The following SLC8A1 variants were observed in gnomAD, a reference collection of about 807,000 sequenced individuals.
The protein encoded by SLC8A1 is solute carrier family 8 member A1, also known as sodium/calcium exchanger 1.
SLC8A1 carries 18 observed loss-of-function variants against 68.3 expected under a neutral mutation model. The observed-to-expected ratio is 0.26, with a 90% CI of 0.18 to 0.39. SLC8A1 has a LOEUF of 0.39. Among genes scored for constraint, SLC8A1 ranks in the 10% least tolerant of loss-of-function variants. The probability of loss-of-function intolerance (pLI) is 1.00; values close to 1 mark genes in which losing one functional copy is unlikely to be tolerated. For missense variants in SLC8A1, 985 were observed against 1,156.7 expected (o/e 0.85, Z 2.15); for synonymous variants, 475 against 415.5 (o/e 1.14, Z -1.74).
intron 2 of SLC8A1, among the ~76,000 whole-genome samples, chr2:40,222,397 G>T (rs1192776529): frequency 6.6e-6 from 1 of 151,990 alleles, no homozygotes; most frequent in East Asian, 1.9e-4. Context: ...AAAGACTTCA[G>T]CATAAGACCT....
At chr2:40,316,620 CT>C (rs758828946) in intron 2 of SLC8A1, among the ~76,000 whole-genome samples, 3 of 152,030 alleles carry the variant, frequency 2.0e-5, no homozygotes, top group Non-Finnish European at 4.4e-5. Context: ...TCAGGGTCTA[CT>C]GCCCTCCTGC....
At chr2:40,306,219 T>G (rs2072561953) in intron 2 of SLC8A1, among the ~76,000 whole-genome samples, 1 of 152,360 alleles carries the variant, frequency 6.6e-6, no homozygotes, top group African/African-American at 2.4e-5. Flanking sequence ...AGATGAGGAA[T>G]GCTCATGTCG....
intron 2 of SLC8A1, among the ~76,000 whole-genome samples, chr2:40,335,143 G>A (rs1665534380): frequency 6.6e-6 from 1 of 152,144 alleles, no homozygotes; most frequent in Non-Finnish European, 1.5e-5. Context: ...TTTGGATATG[G>A]ATATGATATA....
intron 2 of SLC8A1, among the ~76,000 whole-genome samples, chr2:40,338,079 A>C (rs561295842): frequency 2.1e-4 from 32 of 150,714 alleles, no homozygotes; most frequent in Admixed American, 4.6e-4. Flanking sequence ...GTTTCTCTCT[A>C]TCTCTCTCTC....
chr2:40,192,585 G>T (rs1341705283), intron 2 of SLC8A1, among the ~76,000 whole-genome samples: 1 of 152,060 alleles, frequency 6.6e-6, no homozygotes, highest in South Asian at 2.1e-4. Context: ...CATCTCAAGG[G>T]TGGGTCTATG....
intron 2 of SLC8A1, among the ~76,000 whole-genome samples, chr2:40,202,763 A>G (rs2148718990): frequency 6.6e-6 from 1 of 152,122 alleles, no homozygotes; most frequent in Non-Finnish European, 1.5e-5. Flanking sequence ...ACAGCTCTAA[A>G]GAGCCAATAT....
intron 2 of SLC8A1, among the ~76,000 whole-genome samples, chr2:40,267,047 C>A (rs554804037): frequency 1.3e-5 from 2 of 152,166 alleles, no homozygotes; most frequent in Admixed American, 1.3e-4. Flanking sequence ...TTATGAAGCC[C>A]AGTTTATTAA....
intron 1 of SLC8A1, among the ~76,000 whole-genome samples, chr2:40,465,782 A>G (rs753029706): frequency 3.9e-5 from 6 of 152,188 alleles, no homozygotes; most frequent in Non-Finnish European, 8.8e-5. Context: ...TTTATTTTTA[A>G]AATAAAATGT....
intron 2 of SLC8A1, among the ~76,000 whole-genome samples, chr2:40,182,646 A>G (rs925854420): frequency 2.6e-5 from 4 of 152,232 alleles, no homozygotes; most frequent in Non-Finnish European, 5.9e-5. Flanking sequence ...AGGTGTCTCA[A>G]AGGACCTGAA....
intron 2 of SLC8A1, among the ~76,000 whole-genome samples, chr2:40,266,185 C>G (rs773870827): frequency 6.6e-6 from 1 of 152,104 alleles, no homozygotes; most frequent in African/African-American, 2.4e-5. Flanking sequence ...TATAAGGATG[C>G]CTTTTCTGGG....
At chr2:40,256,625 TTTG>T (rs905468185) in intron 2 of SLC8A1, among the ~76,000 whole-genome samples, 3 of 152,208 alleles carry the variant, frequency 2.0e-5, no homozygotes, top group African/African-American at 7.2e-5. Context: ...GTAGCTTCAT[TTTG>T]TTGTTGTTGT....
intron 2 of SLC8A1, among the ~76,000 whole-genome samples, chr2:40,218,168 T>A (rs1277649140): frequency 6.6e-6 from 1 of 152,198 alleles, no homozygotes; most frequent in East Asian, 1.9e-4. Flanking sequence ...ATGAATTAGA[T>A]CTAAGTTACA....
intron 2 of SLC8A1, among the ~76,000 whole-genome samples, chr2:40,332,432 C>CG (rs2076511233): frequency 3.2e-5 from 1 of 30,918 alleles, no homozygotes; most frequent in African/African-American, 1.0e-4. Flanking sequence ...GGGGGGAGGA[C>CG]GGGGGCGGGG....
intron 2 of SLC8A1, among the ~76,000 whole-genome samples, chr2:40,225,296 T>C (rs2058830956): frequency 6.6e-6 from 1 of 152,152 alleles, no homozygotes; most frequent in Non-Finnish European, 1.5e-5. Context: ...GTGGAAATGA[T>C]AAAATGATAA....
intron 2 of SLC8A1, among the ~76,000 whole-genome samples, chr2:40,197,535 T>C (rs2053280568): frequency 6.6e-6 from 1 of 151,978 alleles, no homozygotes; most frequent in Non-Finnish European, 1.5e-5. Context: ...ACAGTTACGA[T>C]AAAATTAGGT....
chr2:40,373,949 G>A (rs1678978283), intron 2 of SLC8A1, among the ~76,000 whole-genome samples: 1 of 152,114 alleles, frequency 6.6e-6, no homozygotes, highest in South Asian at 2.1e-4. Context: ...ACTTGATAGA[G>A]CAAATAAATT....
chr2:40,301,020 T>C (rs2071357033), intron 2 of SLC8A1, among the ~76,000 whole-genome samples: 1 of 152,156 alleles, frequency 6.6e-6, no homozygotes, highest in Non-Finnish European at 1.5e-5. Flanking sequence ...GGTTGATCCC[T>C]ACAATTTTTT....
chr2:40,189,187 T>G (rs2051275356), intron 2 of SLC8A1, among the ~76,000 whole-genome samples: 1 of 152,226 alleles, frequency 6.6e-6, no homozygotes, highest in Non-Finnish European at 1.5e-5. Context: ...TCCTTGTCTA[T>G]ATGAAACATC....
intron 2 of SLC8A1, among the ~76,000 whole-genome samples, chr2:40,240,462 G>A (rs537220620): frequency 6.6e-6 from 1 of 152,284 alleles, no homozygotes; most frequent in African/African-American, 2.4e-5. Context: ...TATTTGGATT[G>A]GTTAAGAGGA....
Sources: allele counts gnomAD v4.1 joint callset (sites outside exome capture counted in the v4.1 genomes callset), GRCh38; gene constraint gnomAD v4.1.1; transcripts MANE v1.5; gene names NCBI Gene and HGNC (gene_info 2026-07-23, HGNC 2026-07-21).